The following NCOA1 variants were observed in gnomAD, a reference collection of about 807,000 sequenced individuals.
NCOA1 encodes nuclear receptor coactivator 1.
A neutral mutation model predicts 150.9 loss-of-function variants in NCOA1; 35 were observed. That is an observed-to-expected ratio of 0.23 (90% CI 0.18 to 0.31). The LOEUF (loss-of-function observed/expected upper bound fraction) is 0.31, where lower values mean the gene tolerates loss of function less well. NCOA1 is among the 10% of genes least tolerant of loss of function. The pLI is 1.00. For missense variants in NCOA1, 1,491 were observed against 1,749.3 expected, an observed-to-expected ratio of 0.85 and a Z score of 2.63; for synonymous variants, 590 against 630.0, an observed-to-expected ratio of 0.94 and a Z score of 0.95.
In NCOA1 at chr2:24,707,062, G is replaced by A. The variant is rs761849134; in HGVS notation, c.1592G>A (p.Arg531Gln). 1.8e-5 allele frequency: 29 copies of A among 1,614,096 alleles called. No individual in the cohort carries two copies. Among genetic ancestry groups the A allele is most frequent in the Admixed American group, 5.0e-5 (3 of 60,012 alleles). ...AGTAGTGCCTGTAATAATAATAACCGATCTTATTCAAACATCCCAGTAACA... is the reference window on the plus strand; with the variant it reads ...AGTAGTGCCTGTAATAATAATAACCAATCTTATTCAAACATCCCAGTAACA... ...MTSSACNNNNRSYSNIPVTSL... is the reference protein window; with the variant it reads ...MTSSACNNNNQSYSNIPVTSL... The change falls in exon 13 of 23, where the codon CGA becomes CAA. Residue 531 changes from arginine to glutamine, a missense_variant. Arg to Gln is a conservative substitution (Grantham distance 43, BLOSUM62 1). This residue lies in a region of NCOA1 where 703 missense variants were observed against 717.7 expected (regional missense o/e 0.98). Transcript: ENST00000348332.
intron 19 of NCOA1, among the ~76,000 whole-genome samples, chr2:24,745,228 C>T (rs1175322719): frequency 1.4e-5 from 2 of 143,790 alleles, no homozygotes; most frequent in African/African-American, 2.6e-5. Context: ...GTGGCGTGAT[C>T]TCGGCTCACT....
chr2:24,674,275 G>A (rs927004413), intron 7 of NCOA1, among the ~76,000 whole-genome samples: 1 of 150,218 alleles, frequency 6.7e-6, no homozygotes, highest in Non-Finnish European at 1.5e-5. Context: ...GTGTGGTCTC[G>A]GTTCACTGCA....
intron 2 of NCOA1, among the ~76,000 whole-genome samples, chr2:24,573,830 C>T (rs753730617): frequency 6.7e-6 from 1 of 150,054 alleles, no homozygotes; most frequent in Non-Finnish European, 1.5e-5. Context: ...ATCAAATGTA[C>T]AATAAGTGGT....
rs114775126 is a variant in NCOA1 at position 24,766,891 on chromosome 2, G to A, written c.4156-1330G>A. On this transcript the variant is annotated intron_variant, in intron 22 of 22. Coordinates refer to ENST00000348332, the MANE Select transcript of NCOA1 (RefSeq NM_003743.5). ...CAAGAGAAAGAGCCCAGAGGAGGCA[G>A]TAACAAATGGGAGCATATAGGAGCT... 2.4e-3 allele frequency among the ~76,000 whole-genome samples: 362 copies of A among 152,282 alleles called. 3 individuals are homozygous for A. Among genetic ancestry groups the A allele is most frequent in the African/African-American group, 8.3e-3 (345 of 41,544 alleles).
chr2:24,621,882 T>C (rs979466649), intron 3 of NCOA1, among the ~76,000 whole-genome samples: 18 of 152,228 alleles, frequency 1.2e-4, no homozygotes, highest in African/African-American at 4.3e-4. Context: ...TTGTTAGGAA[T>C]TGATACATGC....
At chr2:24,569,743 G>A (rs1248175168) in intron 2 of NCOA1, among the ~76,000 whole-genome samples, 4 of 150,318 alleles carry the variant, frequency 2.7e-5, no homozygotes, top group Non-Finnish European at 5.9e-5. Flanking sequence ...AGTGGCAGGC[G>A]CCCGTAATCC....
intron 1 of NCOA1, among the ~76,000 whole-genome samples, chr2:24,521,358 T>C (rs1664410789): frequency 1.3e-5 from 2 of 152,214 alleles, no homozygotes; most frequent in South Asian, 2.1e-4. Context: ...AGTGAAACTT[T>C]ATAACCTTTG....
intron 10 of NCOA1, among the ~76,000 whole-genome samples, chr2:24,695,291 A>G (rs2148568201): frequency 6.6e-6 from 1 of 152,266 alleles, no homozygotes; most frequent in Admixed American, 6.5e-5. Flanking sequence ...ATATATATAT[A>G]GAGAGAGAGG....
chr2:24,739,399 G>C, intron 17 of NCOA1, 33 bp from the exon 18 acceptor site: 2 of 1,466,314 alleles, frequency 1.4e-6, no homozygotes, highest in Non-Finnish European at 1.9e-6. Context: ...CTTGTGTGTA[G>C]AAATATATCT....
At chr2:24,637,845 G>A (rs573066492) in intron 3 of NCOA1, among the ~76,000 whole-genome samples, 19 of 152,152 alleles carry the variant, frequency 1.2e-4, no homozygotes, top group Admixed American at 3.9e-4. Flanking sequence ...AAAGGCATGC[G>A]CCACCATGTC....
chr2:24,598,658 A>G (rs2148350543), intron 3 of NCOA1, among the ~76,000 whole-genome samples: 1 of 152,290 alleles, frequency 6.6e-6, no homozygotes, highest in Non-Finnish European at 1.5e-5. Context: ...TATACATTTT[A>G]AATTTGTTTA....
intron 3 of NCOA1, among the ~76,000 whole-genome samples, chr2:24,597,933 C>G (rs907653914): frequency 2.6e-5 from 4 of 152,102 alleles, no homozygotes; most frequent in African/African-American, 7.2e-5. Flanking sequence ...CCCATTTCCC[C>G]CCTCCCCACA....
At chr2:24,713,957 A>G (rs1673892659) in intron 14 of NCOA1, among the ~76,000 whole-genome samples, 1 of 152,224 alleles carries the variant, frequency 6.6e-6, no homozygotes, top group South Asian at 2.1e-4. Flanking sequence ...CTGTGCATGT[A>G]TTCAACGATA....
chr2:24,767,583 CAT>C (rs768422433), intron 22 of NCOA1, among the ~76,000 whole-genome samples: 37 of 152,174 alleles, frequency 2.4e-4, no homozygotes, highest in Admixed American at 3.9e-4. Flanking sequence ...AATTTTAGCT[CAT>C]GTGTTTAAAT....
intron 2 of NCOA1, among the ~76,000 whole-genome samples, chr2:24,570,883 G>A (rs1036714944): frequency 2.6e-5 from 4 of 152,170 alleles, no homozygotes; most frequent in Non-Finnish European, 5.9e-5. Context: ...AAAGAGAAAC[G>A]GAGGAGGAAA....
intron 1 of NCOA1, among the ~76,000 whole-genome samples, chr2:24,557,723 C>T (rs1398770440): frequency 6.6e-6 from 1 of 152,122 alleles, no homozygotes; most frequent in East Asian, 1.9e-4. Flanking sequence ...GAATTCTATA[C>T]ATAGAACTGA....
chr2:24,706,123 T>C (rs888605534), intron 12 of NCOA1, among the ~76,000 whole-genome samples: 1 of 152,146 alleles, frequency 6.6e-6, no homozygotes, highest in Non-Finnish European at 1.5e-5. Context: ...TTGAAATACT[T>C]AAAAGCTGTA....
At chr2:24,527,028 T>C (rs1664681211) in intron 1 of NCOA1, among the ~76,000 whole-genome samples, 1 of 152,170 alleles carries the variant, frequency 6.6e-6, no homozygotes, top group Admixed American at 6.5e-5. Context: ...AGTTGAGCAT[T>C]CTCATAATTT....
chr2:24,552,341 ATATATATATATATTTTTTTTTTTTTTTTT>A (rs1314367373), intron 1 of NCOA1, among the ~76,000 whole-genome samples: 1 of 32,650 alleles, frequency 3.1e-5, no homozygotes, highest in South Asian at 1.3e-3. Flanking sequence ...ATATATATAT[ATATATATATATATTTTTTTTTTTTTTTTT>A]TTTTTTTTTT....
Sources: gnomAD v4.1 joint callset for allele counts (sites outside exome capture counted in the v4.1 genomes callset) on GRCh38, gnomAD v4.1.1 for gene constraint, gnomAD v4.1.1 regional missense constraint, MANE v1.5 for transcripts, NCBI Gene and HGNC (gene_info 2026-07-23, HGNC 2026-07-21) for gene names.